The following MBD5 variants were observed in gnomAD, a reference collection of about 807,000 sequenced individuals.
The protein encoded by MBD5 is methyl-CpG binding domain protein 5.
A neutral mutation model predicts 117.3 loss-of-function variants in MBD5; 13 were observed. That is an observed-to-expected ratio of 0.11 (90% confidence interval 0.07 to 0.18). MBD5 has a LOEUF of 0.18. Among genes scored for constraint, MBD5 ranks in the 10% least tolerant of loss-of-function variants. The pLI is 1.00. For synonymous variants in MBD5, 727 were observed against 766.4 expected, an observed-to-expected ratio of 0.95 and a Z score of 0.85; for missense variants, 1,879 against 2,093.8, an observed-to-expected ratio of 0.90 and a Z score of 2.00.
chr2:148,401,195 T>C (rs1704909470), intron 4 of MBD5, among the ~76,000 whole-genome samples: 1 of 152,166 alleles, frequency 6.6e-6, no homozygotes, highest in Non-Finnish European at 1.5e-5. Context: ...TGACATGTCT[T>C]GTTCTTGATG....
chr2:148,337,700 A>G (rs1702834911), intron 3 of MBD5, among the ~76,000 whole-genome samples: 1 of 152,156 alleles, frequency 6.6e-6, no homozygotes, highest in African/African-American at 2.4e-5. Flanking sequence ...ATACCAGATA[A>G]TTATAAAGCA....
chr2:148,043,666 C>G (rs1694439491), intron 1 of MBD5, among the ~76,000 whole-genome samples: 7 of 152,114 alleles, frequency 4.6e-5, no homozygotes, highest in Admixed American at 4.6e-4. Context: ...ATACTTGACT[C>G]ACCATATGTT....
At chr2:148,425,996 A>G (rs1461571084) in intron 4 of MBD5, among the ~76,000 whole-genome samples, 6 of 152,170 alleles carry the variant, frequency 3.9e-5, no homozygotes, top group Admixed American at 1.3e-4. Flanking sequence ...AAGCATTCTT[A>G]TACACCAATA....
Position 148,463,848 on chromosome 2 carries a change from T to C in MBD5, c.326T>C (p.Val109Ala). 6.2e-7 allele frequency: 1 copy of C among 1,613,748 alleles called. No homozygotes were observed. The highest frequency in any genetic ancestry group is 8.5e-7 in the Non-Finnish European group (1 of 1,179,756). The change falls in exon 7 of 14, where the codon GTG (valine) becomes GCG (alanine). Residue 109 changes from valine to alanine, a missense_variant. Physicochemically the swap from Val to Ala is moderately conservative, Grantham distance 64 (BLOSUM62 0). Transcript: ENST00000642680. ...ATACATAAAAGAAAAATTATTGCAG[T>C]GGCCACACTTCATAAAAGCATGGAA... ...LCIHKRKIIAVATLHKSMEAP... is the reference protein window; with the variant it reads ...LCIHKRKIIAAATLHKSMEAP...
intron 3 of MBD5, among the ~76,000 whole-genome samples, chr2:148,257,702 C>T (rs1700622789): frequency 6.6e-6 from 1 of 152,188 alleles, no homozygotes; most frequent in African/African-American, 2.4e-5. Context: ...AAATCCGTGG[C>T]AACTAGACCA....
intron 1 of MBD5, among the ~76,000 whole-genome samples, chr2:148,178,062 A>AT (rs1698431489): frequency 6.6e-6 from 1 of 152,190 alleles, no homozygotes. Context: ...CCCTAACTGC[A>AT]TTGTCAAGGA....
intron 3 of MBD5, among the ~76,000 whole-genome samples, chr2:148,341,282 G>A (rs1031351069): frequency 5.9e-5 from 9 of 151,286 alleles, no homozygotes; most frequent in African/African-American, 2.2e-4. Flanking sequence ...ACATCAGGCT[G>A]CTTAAATGAG....
At chr2:148,418,486 T>G (rs1705495766) in intron 4 of MBD5, among the ~76,000 whole-genome samples, 2 of 152,110 alleles carry the variant, frequency 1.3e-5, no homozygotes, top group Non-Finnish European at 2.9e-5. Context: ...TAAAGAGTCC[T>G]CCAAAAGACT....
chr2:148,418,779 A>G (rs1053543336), intron 4 of MBD5, among the ~76,000 whole-genome samples: 1 of 152,192 alleles, frequency 6.6e-6, no homozygotes, highest in African/African-American at 2.4e-5. Flanking sequence ...AAACAATATC[A>G]TGAAAATGAC....
At chr2:148,022,927 A>G (rs1195494673) in intron 1 of MBD5, among the ~76,000 whole-genome samples, 1 of 152,150 alleles carries the variant, frequency 6.6e-6, no homozygotes, top group African/African-American at 2.4e-5. Context: ...TTATTTCACA[A>G]ATGTTAGAAA....
intron 1 of MBD5, among the ~76,000 whole-genome samples, chr2:148,152,344 A>T (rs1016732625): frequency 6.6e-6 from 1 of 152,108 alleles, no homozygotes; most frequent in Non-Finnish European, 1.5e-5. Flanking sequence ...TTTGCTGAGG[A>T]GAGCTTTACT....
At chr2:148,245,705 ATTT>A (rs1283154785) in intron 3 of MBD5, among the ~76,000 whole-genome samples, 2 of 152,052 alleles carry the variant, frequency 1.3e-5, no homozygotes, top group Non-Finnish European at 2.9e-5. Context: ...GTTCACAGTT[ATTT>A]TCTGTTTGGA....
chr2:148,477,422 C>G (rs1543255), intron 8 of MBD5, among the ~76,000 whole-genome samples: 2 of 152,000 alleles, frequency 1.3e-5, no homozygotes, highest in African/African-American at 4.8e-5. Context: ...CCTAAGATTT[C>G]GTTTCTATTG....
intron 2 of MBD5, among the ~76,000 whole-genome samples, chr2:148,205,202 A>G (rs1031776524): frequency 6.6e-6 from 1 of 151,878 alleles, no homozygotes; most frequent in Non-Finnish European, 1.5e-5. Context: ...TCTGCCTCCC[A>G]AGTAGCTGGG....
At chr2:148,384,558 T>C (rs537083528) in intron 4 of MBD5, among the ~76,000 whole-genome samples, 30 of 152,272 alleles carry the variant, frequency 2.0e-4, no homozygotes, top group Non-Finnish European at 1.3e-4. Context: ...ATAGATTCAA[T>C]GCCATCCCCA....
intron 1 of MBD5, among the ~76,000 whole-genome samples, chr2:148,049,361 A>G (rs1694628503): frequency 6.6e-6 from 1 of 152,236 alleles, no homozygotes; most frequent in Non-Finnish European, 1.5e-5. Flanking sequence ...GGAGCTAGCC[A>G]TAGAATAATT....
In MBD5 at chr2:148,458,646, G is replaced by GT. The variant is rs1706959127; in HGVS notation, c.-112dup. 1.1e-6 allele frequency: 1 copy of GT among 877,226 alleles called. No individual in the cohort carries two copies. The highest frequency in any genetic ancestry group is 1.9e-5 in the Admixed American group (1 of 53,024). The allele number at this position is 877,226 out of a possible 1,614,324, so 54.3% of individuals were successfully genotyped here. Reference sequence around the variant, plus strand: ...GAAGCTTCCCAATGCGTTTTGTACAGTCTGGGAAAAACTGTGCTGCACTGG... The same window carrying GT: ...GAAGCTTCCCAATGCGTTTTGTACAGTTCTGGGAAAAACTGTGCTGCACTGG... On this transcript the variant is annotated 5_prime_UTR_variant, in exon 5 of 14. The change abolishes the stop of an existing upstream ORF in the 5' untranslated region. Coordinates refer to ENST00000642680, the MANE Select transcript of MBD5 (RefSeq NM_001378120.1).
intron 3 of MBD5, among the ~76,000 whole-genome samples, chr2:148,273,090 TTG>T (rs1286167736): frequency 1.3e-5 from 2 of 152,210 alleles, no homozygotes; most frequent in African/African-American, 4.8e-5. Context: ...TGTTTCTTTA[TTG>T]TCTCATTTCC....
chr2:148,219,970 G>A (rs1315821641), intron 2 of MBD5: 2 of 152,112 alleles, frequency 1.3e-5, no homozygotes, highest in Non-Finnish European at 2.9e-5. Flanking sequence ...CCAAAATGGC[G>A]AGATATGTAA....
Sources: allele counts gnomAD v4.1 joint callset (sites outside exome capture counted in the v4.1 genomes callset), GRCh38; gene constraint gnomAD v4.1.1; transcripts MANE v1.5; gene names NCBI Gene and HGNC (gene_info 2026-07-23, HGNC 2026-07-21).